The following SCHIP1 variants were observed in gnomAD, a reference collection of about 807,000 sequenced individuals.
SCHIP1 encodes the protein schwannomin-interacting protein 1.
Under a neutral mutation model 29.7 loss-of-function variants are expected in SCHIP1, and 8 were observed. The observed-to-expected ratio is 0.27, with a 90% CI of 0.16 to 0.49. The LOEUF (loss-of-function observed/expected upper bound fraction) is 0.49. Ranked by LOEUF, SCHIP1 falls within the 20% of genes least tolerant of loss-of-function variation. SCHIP1 has a pLI of 0.99. For missense variants in SCHIP1, 193 were observed against 294.6 expected (o/e 0.66, Z 2.52); for synonymous variants, 76 against 94.9 (o/e 0.80, Z 1.16).
the SCHIP1 span, among the ~76,000 whole-genome samples, chr3:159,529,278 CT>C: frequency 6.6e-6 from 1 of 151,992 alleles, no homozygotes; most frequent in Non-Finnish European, 1.5e-5. Flanking sequence ...ACTTCTTCGC[CT>C]AGTTAACTAA....
At chr3:159,778,252 C>T in the SCHIP1 span, among the ~76,000 whole-genome samples, 17 of 152,300 alleles carry the variant, frequency 1.1e-4, no homozygotes, top group Middle Eastern at 3.4e-3. Context: ...CTCGGCCTCC[C>T]AAAGTGCTGG....
the SCHIP1 span, among the ~76,000 whole-genome samples, chr3:159,406,259 A>G: frequency 6.6e-6 from 1 of 152,164 alleles, no homozygotes; most frequent in South Asian, 2.1e-4. Flanking sequence ...ACGAGCTCCA[A>G]TGTGTCTGAC....
chr3:159,717,445 G>T, the SCHIP1 span, among the ~76,000 whole-genome samples: 7 of 152,144 alleles, frequency 4.6e-5, no homozygotes, highest in East Asian at 1.9e-4. Flanking sequence ...CCAGGAGCTG[G>T]TTTTTTGAAA....
chr3:159,402,257 C>T, the SCHIP1 span, among the ~76,000 whole-genome samples: 7 of 152,180 alleles, frequency 4.6e-5, no homozygotes, highest in African/African-American at 7.2e-5. Flanking sequence ...GTTAGAATGG[C>T]GATCGTTAAA....
the SCHIP1 span, among the ~76,000 whole-genome samples, chr3:159,551,044 A>C: frequency 6.6e-6 from 1 of 152,336 alleles, no homozygotes; most frequent in East Asian, 1.9e-4. Flanking sequence ...CAAGGATATT[A>C]ACGTGAAGTC....
the SCHIP1 span, among the ~76,000 whole-genome samples, chr3:159,386,154 A>G: frequency 6.6e-6 from 1 of 152,166 alleles, no homozygotes; most frequent in Admixed American, 6.6e-5. Flanking sequence ...CACTACAAAC[A>G]TACGTGTGCA....
At chr3:159,694,600 GAAA>G in the SCHIP1 span, among the ~76,000 whole-genome samples, 1,148 of 128,344 alleles carry the variant, frequency 8.9e-3, 16 homozygotes, top group African/African-American at 0.02. Context: ...AAGAAAGAAA[GAAA>G]GAAAGGAATT....
chr3:159,337,253 A>C, the SCHIP1 span, among the ~76,000 whole-genome samples: 1 of 152,290 alleles, frequency 6.6e-6, no homozygotes, highest in East Asian at 1.9e-4. Context: ...CTGAATGGGC[A>C]AAAACTGGAA....
At chr3:159,896,501 A>G (rs1341013162) in intron 6 of SCHIP1, among the ~76,000 whole-genome samples, 1 of 152,240 alleles carries the variant, frequency 6.6e-6, no homozygotes, top group Non-Finnish European at 1.5e-5. Flanking sequence ...TCTCAGATTC[A>G]TCCAGTGGCT....
At chr3:159,416,870 G>A in the SCHIP1 span, among the ~76,000 whole-genome samples, 1 of 152,198 alleles carries the variant, frequency 6.6e-6, no homozygotes, top group African/African-American at 2.4e-5. Context: ...GCATCAGACA[G>A]GGGATGATCT....
chr3:159,744,437 T>C, the SCHIP1 span, among the ~76,000 whole-genome samples: 2 of 152,224 alleles, frequency 1.3e-5, no homozygotes, highest in African/African-American at 4.8e-5. Flanking sequence ...CTGCCTTCAC[T>C]GGTAAAAATT....
At chr3:159,517,966 A>G in the SCHIP1 span, among the ~76,000 whole-genome samples, 1 of 152,282 alleles carries the variant, frequency 6.6e-6, no homozygotes, top group Admixed American at 6.5e-5. Flanking sequence ...TATTGATAAT[A>G]ACACAAAAGG....
chr3:159,596,075 G>C, the SCHIP1 span, among the ~76,000 whole-genome samples: 1 of 152,166 alleles, frequency 6.6e-6, no homozygotes, highest in Admixed American at 6.5e-5. Context: ...CTAATATCCA[G>C]AATCTACAAA....
At chr3:159,336,625 A>C in the SCHIP1 span, among the ~76,000 whole-genome samples, 4,415 of 151,982 alleles carry the variant, frequency 0.029, 92 homozygotes, top group East Asian at 0.11. Context: ...TCTTGTTTTT[A>C]TCAGGTTTGT....
chr3:159,736,863 T>C, the SCHIP1 span, among the ~76,000 whole-genome samples: 1 of 152,000 alleles, frequency 6.6e-6, no homozygotes, highest in African/African-American at 2.4e-5. Flanking sequence ...GTCTCCTGAG[T>C]AGCTGGGACT....
intron 2 of SCHIP1, among the ~76,000 whole-genome samples, chr3:159,881,824 G>T (rs1285067049): frequency 6.6e-6 from 1 of 152,210 alleles, no homozygotes; most frequent in Non-Finnish European, 1.5e-5. Context: ...CAGCTGGGTG[G>T]TTCTGTTCTG....
At chr3:159,377,170 A>G in the SCHIP1 span, among the ~76,000 whole-genome samples, 4 of 152,192 alleles carry the variant, frequency 2.6e-5, no homozygotes, top group African/African-American at 9.7e-5. Flanking sequence ...GAGTAGTTCT[A>G]AAAGCCAAGC....
chr3:159,472,394 A>G, the SCHIP1 span, among the ~76,000 whole-genome samples: 1 of 152,140 alleles, frequency 6.6e-6, no homozygotes, highest in Non-Finnish European at 1.5e-5. Flanking sequence ...CATTTTGTCA[A>G]TTAGGAATTT....
chr3:159,487,763 G>T, the SCHIP1 span, among the ~76,000 whole-genome samples: 4 of 152,170 alleles, frequency 2.6e-5, no homozygotes, highest in African/African-American at 9.7e-5. Context: ...AAGGGAGGCA[G>T]AATCACCTTC....
Sources: allele counts gnomAD v4.1 joint callset (sites outside exome capture counted in the v4.1 genomes callset), GRCh38; gene constraint gnomAD v4.1.1; transcripts MANE v1.5; gene names NCBI Gene and HGNC (gene_info 2026-07-23, HGNC 2026-07-21).